The following OPCML variants were observed in gnomAD, a reference collection of about 807,000 sequenced individuals.
OPCML encodes opioid binding protein/cell adhesion molecule like, also known as opioid-binding protein/cell adhesion molecule.
In OPCML, 13 loss-of-function variants were observed where a neutral mutation model predicts 37.8. The observed-to-expected ratio is 0.34, with a 90% CI of 0.22 to 0.55. The LOEUF (loss-of-function observed/expected upper bound fraction) is 0.55. OPCML is among the 20% of genes least tolerant of loss of function. The pLI is 0.91. For synonymous variants in OPCML, 176 were observed against 168.8 expected, an observed-to-expected ratio of 1.04 and a Z score of -0.33; for missense variants, 341 against 435.6, an observed-to-expected ratio of 0.78 and a Z score of 1.93.
rs563363035 is a variant in OPCML at position 132,543,520 on chromosome 11, G to GA, written c.380-14335dup. Reference sequence around the variant, plus strand: ...GGTGTCTCCAAGTGTCTCTAAAAAAGAAAAAAAATTAAACAAAAATAAAAA... The same window carrying GA: ...GGTGTCTCCAAGTGTCTCTAAAAAAGAAAAAAAAATTAAACAAAAATAAAAA... On this transcript the variant is annotated intron_variant, in intron 3 of 7. Coordinates refer to ENST00000524381, the MANE Select transcript of OPCML (RefSeq NM_001012393.5). Among the ~76,000 whole-genome samples, 583 of 150,368 alleles carry GA rather than the reference G, an allele frequency of 3.9e-3. 2 individuals carry two copies. The highest frequency in any genetic ancestry group is 5.2e-3 in the Non-Finnish European group (353 of 67,544).
intron 1 of OPCML, among the ~76,000 whole-genome samples, chr11:133,083,222 C>T (rs1200900010): frequency 6.6e-6 from 1 of 152,220 alleles, no homozygotes; most frequent in Non-Finnish European, 1.5e-5. Context: ...GCCTTTCCCG[C>T]GGGTGCACTG....
intron 2 of OPCML, among the ~76,000 whole-genome samples, chr11:132,810,326 C>G (rs1420902329): frequency 6.6e-6 from 1 of 152,184 alleles, no homozygotes. Flanking sequence ...CCAGGGAAAC[C>G]TTGCCTAGGT....
intron 1 of OPCML, among the ~76,000 whole-genome samples, chr11:133,016,592 A>G (rs1947340080): frequency 6.6e-6 from 1 of 152,220 alleles, no homozygotes; most frequent in Admixed American, 6.5e-5. Flanking sequence ...ACTGTGCATT[A>G]GAACATAATA....
At chr11:132,817,756 C>T (rs552059290) in intron 2 of OPCML, among the ~76,000 whole-genome samples, 1 of 151,660 alleles carries the variant, frequency 6.6e-6, no homozygotes, top group Non-Finnish European at 1.5e-5. Context: ...TAACTGCCCC[C>T]CTCCCCCGCC....
chr11:132,424,530 C>G (rs544915936), intron 7 of OPCML, among the ~76,000 whole-genome samples: 2 of 152,264 alleles, frequency 1.3e-5, no homozygotes, highest in South Asian at 2.1e-4. Context: ...TTCCTGGAAG[C>G]ATAACTGAGA....
At chr11:133,209,036 A>G (rs1236785570) in intron 1 of OPCML, among the ~76,000 whole-genome samples, 1 of 152,196 alleles carries the variant, frequency 6.6e-6, no homozygotes, top group Admixed American at 6.5e-5. Context: ...ACTCATCATG[A>G]ATGCCTTTCT....
At chr11:133,431,461 TTTTG>T (rs900609004) in intron 1 of OPCML, among the ~76,000 whole-genome samples, 6 of 142,222 alleles carry the variant, frequency 4.2e-5, no homozygotes, top group Admixed American at 6.6e-5. Context: ...TCTCAATGTT[TTTTG>T]TTTGTTTGTT....
chr11:133,273,120 A>C (rs1382389214), intron 1 of OPCML, among the ~76,000 whole-genome samples: 1 of 152,116 alleles, frequency 6.6e-6, no homozygotes, highest in Admixed American at 6.5e-5. Flanking sequence ...CACCCACTGA[A>C]AGTGGATGTC....
At chr11:132,568,349 G>A (rs757863306) in intron 3 of OPCML, among the ~76,000 whole-genome samples, 4 of 152,130 alleles carry the variant, frequency 2.6e-5, no homozygotes, top group East Asian at 1.9e-4. Flanking sequence ...AATCATCTCC[G>A]TTGTACAGAA....
At chr11:132,941,938 A>T (rs989670230) in intron 2 of OPCML, among the ~76,000 whole-genome samples, 4 of 152,170 alleles carry the variant, frequency 2.6e-5, no homozygotes, top group African/African-American at 9.7e-5. Flanking sequence ...ACACTGTCCT[A>T]GGGGAAGCCA....
At chr11:133,055,531 G>A (rs1290265064) in intron 1 of OPCML, among the ~76,000 whole-genome samples, 13 of 138,064 alleles carry the variant, frequency 9.4e-5, no homozygotes, top group East Asian at 2.3e-4. Context: ...TGAGGGAGAC[G>A]CCTCTACCGT....
At chr11:132,442,854 G>C (rs985182001) in intron 4 of OPCML, among the ~76,000 whole-genome samples, 2 of 152,094 alleles carry the variant, frequency 1.3e-5, no homozygotes, top group Admixed American at 6.5e-5. Context: ...ACTGTGAGTC[G>C]ATTAAACCTC....
chr11:132,520,406 C>A (rs1312219590), intron 4 of OPCML, among the ~76,000 whole-genome samples: 2 of 152,116 alleles, frequency 1.3e-5, no homozygotes, highest in Admixed American at 1.3e-4. Flanking sequence ...ATTATTCTTT[C>A]TCTGACCTAT....
intron 2 of OPCML, among the ~76,000 whole-genome samples, chr11:132,697,547 C>T (rs116235607): frequency 0.011 from 1,729 of 152,214 alleles, 24 homozygotes; most frequent in African/African-American, 0.038. Context: ...TCTTCCTATG[C>T]CCGCTTTGTT....
intron 3 of OPCML, among the ~76,000 whole-genome samples, chr11:132,595,981 G>A (rs1424904464): frequency 3.9e-5 from 6 of 152,262 alleles, no homozygotes; most frequent in Admixed American, 1.3e-4. Flanking sequence ...ATGAGTAAGT[G>A]ATACATTGTT....
intron 1 of OPCML, chr11:133,418,100 A>C: frequency 1.0e-6 from 1 of 985,422 alleles, no homozygotes; most frequent in South Asian, 4.7e-5. Context: ...TGTGGTTCGG[A>C]GGACTGGTAA....
At chr11:133,344,236 T>A (rs570657850) in intron 1 of OPCML, among the ~76,000 whole-genome samples, 38 of 152,314 alleles carry the variant, frequency 2.5e-4, no homozygotes, top group Non-Finnish European at 5.1e-4. Context: ...CCCCAGGTGG[T>A]ATTTCTCCAG....
At chr11:132,662,622 G>A (rs1374250488) in intron 2 of OPCML, among the ~76,000 whole-genome samples, 1 of 152,192 alleles carries the variant, frequency 6.6e-6, no homozygotes, top group East Asian at 1.9e-4. Context: ...AATAAAAGAA[G>A]GTAAGGAATG....
intron 2 of OPCML, among the ~76,000 whole-genome samples, chr11:132,932,084 C>T (rs1404480307): frequency 6.6e-6 from 1 of 151,820 alleles, no homozygotes; most frequent in African/African-American, 2.4e-5. Context: ...AACATAGAGA[C>T]AGAAAGAAAA....
Sources: allele counts gnomAD v4.1 joint callset (sites outside exome capture counted in the v4.1 genomes callset), GRCh38; gene constraint gnomAD v4.1.1; transcripts MANE v1.5; gene names NCBI Gene and HGNC (gene_info 2026-07-23, HGNC 2026-07-21).